Variants in ZNF705A observed in about 807,000 individuals in gnomAD.
The protein encoded by ZNF705A is zinc finger protein 705A.
ZNF705A carries 8 observed loss-of-function variants against 16.6 expected under a neutral mutation model. The observed-to-expected ratio is 0.48, with a 90% CI of 0.28 to 0.87. ZNF705A has a LOEUF of 0.87. Among genes scored for constraint, ZNF705A ranks in the 40% least tolerant of loss-of-function variants. The pLI is 0.10. For synonymous variants in ZNF705A, 73 were observed against 117.3 expected, an observed-to-expected ratio of 0.62 and a Z score of 2.44; for missense variants, 233 against 359.9, an observed-to-expected ratio of 0.65 and a Z score of 2.85.
chr12:8,164,059 C>G (rs1382713896), intron 1 of ZNF705A, among the ~76,000 whole-genome samples: 1 of 152,070 alleles, frequency 6.6e-6, no homozygotes, highest in Admixed American at 6.6e-5. Context: ...TGAGTCCCCC[C>G]CTTTATTATT....
At chr12:8,179,934 CTT>C (rs1370041617) in exon 5 of ZNF705A, 1 of 152,172 alleles carries the variant, frequency 6.6e-6, no homozygotes, top group Non-Finnish European at 1.5e-5. Context: ...GAATGCTTCT[CTT>C]ATTCAAGCTC....
intron 4 of ZNF705A, among the ~76,000 whole-genome samples, chr12:8,176,281 G>C (rs1382044089): frequency 6.6e-6 from 1 of 152,134 alleles, no homozygotes; most frequent in Non-Finnish European, 1.5e-5. Context: ...AATGTCAATC[G>C]AGAAAAATGA....
chr12:8,161,672 G>T (rs974022461), intron 1 of ZNF705A, among the ~76,000 whole-genome samples: 1 of 152,086 alleles, frequency 6.6e-6, no homozygotes, highest in Non-Finnish European at 1.5e-5. Flanking sequence ...AGGTGGAAAG[G>T]TTAAAACATC....
chr12:8,176,806 C>G (rs1041928187), intron 4 of ZNF705A, among the ~76,000 whole-genome samples, 193 bp from the exon 6 acceptor site: 1 of 152,084 alleles, frequency 6.6e-6, no homozygotes, highest in Non-Finnish European at 1.5e-5. Flanking sequence ...TGACCCAGTT[C>G]CCAGCTTGAT....
At chr12:8,178,248 G>C (rs1004981832) in exon 5 of ZNF705A, 1 of 153,554 alleles carries the variant, frequency 6.5e-6, no homozygotes, top group Non-Finnish European at 1.5e-5. Flanking sequence ...GCCTTCATAA[G>C]CTAAATAAGA....
upstream of ZNF705A, among the ~76,000 whole-genome samples, chr12:8,170,192 C>CG (rs964502878): frequency 7.9e-6 from 1 of 126,516 alleles, no homozygotes; most frequent in Non-Finnish European, 1.6e-5. Context: ...TCTCCCCCCC[C>CG]CCCCAAAAAA....
upstream of ZNF705A, among the ~76,000 whole-genome samples, chr12:8,169,483 TC>T (rs1948427374): frequency 6.6e-6 from 1 of 152,254 alleles, no homozygotes; most frequent in African/African-American, 2.4e-5. Context: ...AAATCTATTC[TC>T]CTTTACTCTG....
intron 1 of ZNF705A, among the ~76,000 whole-genome samples, chr12:8,166,032 A>G (rs1948396747): frequency 6.6e-6 from 1 of 152,224 alleles, no homozygotes; most frequent in Non-Finnish European, 1.5e-5. Flanking sequence ...TACAAGGGTC[A>G]GTCCCCATGG....
chr12:8,161,672 G>A (rs974022461), intron 1 of ZNF705A, among the ~76,000 whole-genome samples: 2 of 152,086 alleles, frequency 1.3e-5, no homozygotes, highest in Non-Finnish European at 2.9e-5. Context: ...AGGTGGAAAG[G>A]TTAAAACATC....
chr12:8,167,082 A>G (rs925777001), intron 1 of ZNF705A, among the ~76,000 whole-genome samples: 2 of 152,190 alleles, frequency 1.3e-5, no homozygotes, highest in Non-Finnish European at 2.9e-5. Flanking sequence ...TTTTTACATC[A>G]TGATGAACAT....
chr12:8,176,864 T>G, intron 4 of ZNF705A, 135 bp from the exon 6 acceptor site: 1 of 1,370,028 alleles, frequency 7.3e-7, no homozygotes, highest in Non-Finnish European at 9.9e-7. Context: ...TTAATTTCCT[T>G]TCACACAAGA....
chr12:8,175,564 G>A (rs1948478734), intron 3 of ZNF705A, among the ~76,000 whole-genome samples: 1 of 152,006 alleles, frequency 6.6e-6, no homozygotes, highest in South Asian at 2.1e-4. Flanking sequence ...GTACTTGGCT[G>A]GGGTTAAACT....
intron 1 of ZNF705A, among the ~76,000 whole-genome samples, chr12:8,166,157 C>T (rs752218384): frequency 6.6e-6 from 1 of 152,292 alleles, no homozygotes; most frequent in East Asian, 1.9e-4. Flanking sequence ...CTCAGAGCTC[C>T]ACTAGGCAGT....
upstream of ZNF705A, among the ~76,000 whole-genome samples, chr12:8,169,209 C>G (rs1248506161): frequency 2.6e-5 from 4 of 152,120 alleles, no homozygotes; most frequent in African/African-American, 9.7e-5. Context: ...TCATTATGCA[C>G]TTTAAAAATA....
intron 1 of ZNF705A, among the ~76,000 whole-genome samples, chr12:8,159,291 C>CT (rs911999698): frequency 1.1e-4 from 16 of 152,130 alleles, no homozygotes; most frequent in Non-Finnish European, 1.8e-4. Context: ...GTGCAAGTAT[C>CT]TTTTTTGTAT....
intron 1 of ZNF705A, 71 bp downstream of exon 2, chr12:8,172,708 T>G: frequency 6.3e-7 from 1 of 1,576,790 alleles, no homozygotes; most frequent in Non-Finnish European, 8.6e-7. Context: ...TTTCTCCAAT[T>G]TGCATGGGTG....
chr12:8,167,915 T>C (rs1948413381), upstream of ZNF705A, among the ~76,000 whole-genome samples: 1 of 152,172 alleles, frequency 6.6e-6, no homozygotes, highest in Admixed American at 6.5e-5. Flanking sequence ...TGCCTGAAGG[T>C]CCAAGAAAGA....
chr12:8,169,537 G>A (rs919124758), upstream of ZNF705A, among the ~76,000 whole-genome samples: 7 of 152,192 alleles, frequency 4.6e-5, no homozygotes, highest in Admixed American at 2.6e-4. Flanking sequence ...TAGAATGTCA[G>A]CTGCTGTTTC....
rs1591622602 is a variant in ZNF705A at position 8,165,692 on chromosome 12, G to C, written c.-71-6863G>C. Among the ~76,000 whole-genome samples the C allele has an allele frequency of 3.3e-5, 5 of 151,998 alleles. 1 individual carries two copies. Among genetic ancestry groups the C allele is most frequent in the Admixed American group, 3.3e-4 (5 of 15,254 alleles). ...GTCCCCACCTTCCCTTCCCCCTCTA[G>C]TAGTCCCCAGTATCTGTTGTTCCGA... On this transcript the variant is annotated intron_variant, in intron 1 of 5. Transcript: ENST00000396570.
Sources: gnomAD v4.1 joint callset for allele counts (sites outside exome capture counted in the v4.1 genomes callset) on GRCh38, gnomAD v4.1.1 for gene constraint, MANE v1.5 for transcripts, NCBI Gene and HGNC (gene_info 2026-07-23, HGNC 2026-07-21) for gene names.